HPSE2: variants seen among roughly 807,000 people sequenced by gnomAD.
HPSE2 encodes inactive heparanase-2.
In HPSE2, 38 loss-of-function variants were observed where a neutral mutation model predicts 60.5. The ratio of observed to expected loss-of-function variants is 0.63; its 90% CI spans 0.48 to 0.82. HPSE2 has a LOEUF of 0.82. HPSE2 is among the 40% of genes least tolerant of loss of function. The pLI is 0.00. For missense variants in HPSE2, 713 were observed against 740.4 expected (o/e 0.96, Z 0.43); for synonymous variants, 295 against 293.2 (o/e 1.01, Z -0.06).
At chr10:98,858,262 G>A (rs1589958446) in intron 3 of HPSE2, among the ~76,000 whole-genome samples, 1 of 152,198 alleles carries the variant, frequency 6.6e-6, no homozygotes, top group East Asian at 1.9e-4. Context: ...CCCAGAAACT[G>A]TAAATTCTGC....
At chr10:98,517,084 T>C (rs1224996483) in intron 9 of HPSE2, among the ~76,000 whole-genome samples, 1 of 151,054 alleles carries the variant, frequency 6.6e-6, no homozygotes, top group African/African-American at 2.4e-5. Context: ...TTCTTTCGAA[T>C]CCCAGGAACC....
intron 3 of HPSE2, among the ~76,000 whole-genome samples, chr10:98,853,512 T>C (rs952509872): frequency 1.3e-5 from 2 of 152,188 alleles, no homozygotes; most frequent in African/African-American, 2.4e-5. Context: ...TGTCTCCTTA[T>C]CACCTCCCCT....
intron 3 of HPSE2, among the ~76,000 whole-genome samples, chr10:98,981,448 A>C (rs1361822021): frequency 6.6e-6 from 1 of 152,142 alleles, no homozygotes; most frequent in Non-Finnish European, 1.5e-5. Context: ...CCTCATCTAA[A>C]AAGGGAGGCT....
intron 5 of HPSE2, among the ~76,000 whole-genome samples, chr10:98,700,184 A>C (rs1284940864): frequency 2.6e-5 from 4 of 152,086 alleles, no homozygotes; most frequent in East Asian, 1.9e-4. Flanking sequence ...CTGCATCACC[A>C]AGTCAATCCT....
At chr10:98,993,637 G>T (rs1299030938) in intron 3 of HPSE2, among the ~76,000 whole-genome samples, 1 of 152,026 alleles carries the variant, frequency 6.6e-6, no homozygotes. Flanking sequence ...CTTCAGTGTT[G>T]GTCCTCTAAT....
the HPSE2 span, among the ~76,000 whole-genome samples, chr10:99,277,689 C>A: frequency 6.6e-6 from 1 of 152,208 alleles, no homozygotes; most frequent in East Asian, 1.9e-4. Flanking sequence ...GGTGGTTTTT[C>A]TGTGTATAAA....
rs184121448 is a variant in HPSE2 at position 98,843,703 on chromosome 10, A to G, written c.611-99647T>C. On this transcript the variant is annotated intron_variant, in intron 3 of 11. Coordinates refer to ENST00000370552, the MANE Select transcript of HPSE2 (RefSeq NM_021828.5). Reference sequence around the variant, plus strand: ...CTCATGAAAAAACCAGCATTTTACAACAAATCTACAAACAATAAATCTTCC... The same window carrying G: ...CTCATGAAAAAACCAGCATTTTACAGCAAATCTACAAACAATAAATCTTCC... Among the ~76,000 whole-genome samples the G allele has an allele frequency of 9.2e-5, 14 of 152,302 alleles. No homozygotes were observed. The East Asian group carries it at 1.7e-3, about 19-fold the overall frequency.
At chr10:98,856,863 T>G (rs1222972790) in intron 3 of HPSE2, among the ~76,000 whole-genome samples, 1 of 152,186 alleles carries the variant, frequency 6.6e-6, no homozygotes, top group Non-Finnish European at 1.5e-5. Flanking sequence ...GAACTATTTT[T>G]GTATTATTCC....
chr10:98,858,785 T>C (rs1433632428), intron 3 of HPSE2, among the ~76,000 whole-genome samples: 1 of 152,238 alleles, frequency 6.6e-6, no homozygotes, highest in Non-Finnish European at 1.5e-5. Flanking sequence ...CCTACCTACC[T>C]TACCAACAGG....
chr10:99,017,426 C>CATTCAGCAACATAATCCT (rs1957167197), intron 3 of HPSE2, among the ~76,000 whole-genome samples: 1 of 152,062 alleles, frequency 6.6e-6, no homozygotes, highest in Admixed American at 6.6e-5. Context: ...ATTCGGTTTG[C>CATTCAGCAACATAATCCT]CAGTATTTTG....
intron 3 of HPSE2, among the ~76,000 whole-genome samples, chr10:98,796,645 T>C (rs1189290068): frequency 1.3e-5 from 2 of 152,210 alleles, no homozygotes; most frequent in African/African-American, 2.4e-5. Flanking sequence ...TCACCACTGG[T>C]TGATCATAGA....
At chr10:98,741,807 G>A (rs1447487047) in intron 4 of HPSE2, among the ~76,000 whole-genome samples, 1 of 152,124 alleles carries the variant, frequency 6.6e-6, no homozygotes, top group Non-Finnish European at 1.5e-5. Flanking sequence ...TTTAGTGTCT[G>A]ATACTCACCT....
chr10:99,018,773 T>A (rs1339282520), intron 3 of HPSE2, among the ~76,000 whole-genome samples: 1 of 152,200 alleles, frequency 6.6e-6, no homozygotes, highest in Non-Finnish European at 1.5e-5. Flanking sequence ...GACTACCTCT[T>A]GGGACTCCTT....
intron 10 of HPSE2, 133 bp downstream of exon 10, chr10:98,489,918 G>T: frequency 1.1e-6 from 1 of 915,222 alleles, no homozygotes. Flanking sequence ...CCTCCAAAGA[G>T]CAGGTATGGT....
chr10:98,841,336 C>G (rs1204300561), intron 3 of HPSE2, among the ~76,000 whole-genome samples: 2 of 152,342 alleles, frequency 1.3e-5, no homozygotes, highest in Middle Eastern at 6.8e-3. Context: ...CACTCCACCT[C>G]TCTGATAGTT....
chr10:98,547,898 T>C (rs1373746253), intron 9 of HPSE2, among the ~76,000 whole-genome samples: 2 of 152,096 alleles, frequency 1.3e-5, no homozygotes, highest in African/African-American at 4.8e-5. Context: ...TGTTTAAACA[T>C]TCATTTAAAT....
intron 3 of HPSE2, among the ~76,000 whole-genome samples, chr10:98,856,295 G>A (rs1236792096): frequency 2.0e-5 from 3 of 152,040 alleles, no homozygotes; most frequent in Non-Finnish European, 4.4e-5. Context: ...CATCAGATAG[G>A]GATTTAAAAA....
rs772827588 is a variant in HPSE2, at chr10:98,866,782, AT to A, written c.611-122727del. ...ACCTAGAATGCTATAGCCAGTAAAA[AT>A]ATCTTTCAAAAAATGAAGATGAAAT... On this transcript the variant is annotated intron_variant, in intron 3 of 11. Coordinates refer to ENST00000370552, the MANE Select transcript of HPSE2 (RefSeq NM_021828.5). 4.6e-5 allele frequency among the ~76,000 whole-genome samples: 7 copies of A among 152,296 alleles called. No homozygotes were observed. In the East Asian group the frequency reaches 1.3e-3, roughly 29 times the overall value.
At chr10:99,178,939 T>C (rs1341196225) in intron 2 of HPSE2, among the ~76,000 whole-genome samples, 1 of 152,190 alleles carries the variant, frequency 6.6e-6, no homozygotes, top group Non-Finnish European at 1.5e-5. Flanking sequence ...GTTGGCTTCA[T>C]CCCTGGGATG....
Sources: gnomAD v4.1 joint callset for allele counts (sites outside exome capture counted in the v4.1 genomes callset) on GRCh38, gnomAD v4.1.1 for gene constraint, MANE v1.5 for transcripts, NCBI Gene and HGNC (gene_info 2026-07-23, HGNC 2026-07-21) for gene names.